The following SEMA5B variants were observed in gnomAD, a reference collection of about 807,000 sequenced individuals.
The protein encoded by SEMA5B is semaphorin-5B.
Under a neutral mutation model 135.0 loss-of-function variants are expected in SEMA5B, and 66 were observed. The ratio of observed to expected loss-of-function variants is 0.49; its 90% CI spans 0.40 to 0.60. The LOEUF is 0.60. SEMA5B is among the 20% of genes least tolerant of loss of function. The pLI, the probability that SEMA5B is intolerant of heterozygous loss-of-function variation, is 0.00. For synonymous variants in SEMA5B, 690 were observed against 639.5 expected, an observed-to-expected ratio of 1.08 and a Z score of -1.19; for missense variants, 1,501 against 1,566.3, an observed-to-expected ratio of 0.96 and a Z score of 0.70.
intron 1 of SEMA5B, among the ~76,000 whole-genome samples, chr3:123,001,750 T>C (rs1466244423): frequency 6.6e-6 from 1 of 152,078 alleles, no homozygotes; most frequent in East Asian, 1.9e-4. Context: ...GCAAGGTACT[T>C]AGTGGCAGGA....
chr3:122,976,148 C>T, intron 1 of SEMA5B: 1 of 1,534,926 alleles, frequency 6.5e-7, no homozygotes, highest in Non-Finnish European at 8.7e-7. Flanking sequence ...CTCATCACTT[C>T]CTCACCCTGT....
chr3:122,924,368 C>T (rs1938518248), intron 9 of SEMA5B, among the ~76,000 whole-genome samples: 1 of 152,118 alleles, frequency 6.6e-6, no homozygotes, highest in Admixed American at 6.5e-5. Flanking sequence ...AGTTCTTCTC[C>T]CAAATGTGTC....
At chr3:122,953,740 G>A (rs553680481) in intron 2 of SEMA5B, among the ~76,000 whole-genome samples, 71 of 152,348 alleles carry the variant, frequency 4.7e-4, no homozygotes, top group African/African-American at 1.7e-3. Context: ...CATATCACTG[G>A]AAATGTTATG....
chr3:122,919,932 G>A (rs1453822083), intron 12 of SEMA5B, among the ~76,000 whole-genome samples: 1 of 152,174 alleles, frequency 6.6e-6, no homozygotes, highest in Non-Finnish European at 1.5e-5. Flanking sequence ...CCTCTCTGCA[G>A]AATGTGAGCG....
At chr3:123,001,798 G>A (rs1942181914) in intron 1 of SEMA5B, among the ~76,000 whole-genome samples, 1 of 152,120 alleles carries the variant, frequency 6.6e-6, no homozygotes, top group Non-Finnish European at 1.5e-5. Context: ...AAAAAGAAGA[G>A]GTGATGACAT....
intron 2 of SEMA5B, among the ~76,000 whole-genome samples, chr3:122,952,391 C>T (rs1248761969): frequency 6.6e-6 from 1 of 152,222 alleles, no homozygotes; most frequent in African/African-American, 2.4e-5. Flanking sequence ...GGCCAAATCT[C>T]TGGAGCCAGA....
At chr3:122,940,828 C>G (rs1391906407) in intron 4 of SEMA5B, among the ~76,000 whole-genome samples, 1 of 152,206 alleles carries the variant, frequency 6.6e-6, no homozygotes, top group Non-Finnish European at 1.5e-5. Flanking sequence ...CTTAGCAGAG[C>G]TCTCCCTATC....
At chr3:122,966,779 C>T (rs963303486) in intron 1 of SEMA5B, among the ~76,000 whole-genome samples, 2 of 150,258 alleles carry the variant, frequency 1.3e-5, no homozygotes, top group African/African-American at 4.9e-5. Context: ...AGGATGGTTT[C>T]GATCTCCTGA....
At chr3:122,936,264 A>T (rs1437212357) in intron 5 of SEMA5B, among the ~76,000 whole-genome samples, 2 of 152,190 alleles carry the variant, frequency 1.3e-5, no homozygotes, top group East Asian at 3.8e-4. Context: ...AGGGACGTGG[A>T]TCATCTCCAT....
At chr3:122,938,454 C>T (rs1031163865) in intron 5 of SEMA5B, among the ~76,000 whole-genome samples, 1 of 152,190 alleles carries the variant, frequency 6.6e-6, no homozygotes, top group African/African-American at 2.4e-5. Context: ...CTGCAATGTC[C>T]CTGGGTGTGT....
intron 1 of SEMA5B, among the ~76,000 whole-genome samples, chr3:122,965,159 G>C (rs992277932): frequency 1.2e-4 from 19 of 152,206 alleles, no homozygotes; most frequent in African/African-American, 4.6e-4. Context: ...GAAGTTTCTT[G>C]GGCAGGAGCT....
At chr3:123,025,867 C>T (rs1174573208) in intron 1 of SEMA5B, among the ~76,000 whole-genome samples, 1 of 152,212 alleles carries the variant, frequency 6.6e-6, no homozygotes, top group Admixed American at 6.5e-5. Context: ...AAGGTACTGG[C>T]TGTTTCTTTC....
intron 1 of SEMA5B, among the ~76,000 whole-genome samples, chr3:122,983,309 T>C (rs574653779): frequency 6.6e-6 from 1 of 152,194 alleles, no homozygotes; most frequent in Admixed American, 6.5e-5. Context: ...CTCATGTCAC[T>C]TATTTCTAGT....
At chr3:122,918,946 A>G in intron 12 of SEMA5B, among the ~76,000 whole-genome samples, 1 of 149,484 alleles carries the variant, frequency 6.7e-6, no homozygotes, top group East Asian at 2.0e-4. Flanking sequence ...GGCAGTTTAG[A>G]GTCCTTTTCA....
chr3:122,928,430 G>C, intron 7 of SEMA5B, 87 bp downstream of exon 7: 1 of 1,016,206 alleles, frequency 9.8e-7, no homozygotes, highest in Non-Finnish European at 1.4e-6. Context: ...TGCAAAATTT[G>C]GTAACCCCCC....
At chr3:122,962,539 G>A (rs1222440110) in intron 1 of SEMA5B, among the ~76,000 whole-genome samples, 1 of 152,190 alleles carries the variant, frequency 6.6e-6, no homozygotes, top group Non-Finnish European at 1.5e-5. Context: ...CAGGTGAACT[G>A]CACTACAACA....
chr3:122,915,554 T>C lies in SEMA5B; in HGVS notation c.1874A>G (p.Asp625Gly). 6.2e-7 allele frequency: 1 copy of C among 1,614,120 alleles called. No homozygotes were observed. Among genetic ancestry groups the C allele is most frequent in the Non-Finnish European group, 8.5e-7 (1 of 1,180,004 alleles). Residue 625 changes from aspartate to glycine, a missense_variant, in exon 14 of 23, where the codon GAT becomes GGT. By Grantham distance (94) the Asp-to-Gly change is moderately conservative (BLOSUM62 -1). This residue lies in a region of SEMA5B where 927 missense variants were observed against 881.6 expected (regional missense o/e 1.05). Transcript: ENST00000357599. ...WSPWQPCEHL[D>G]GDNSGSCLCR... The stretch of plus-strand genomic sequence containing the variant: ...CAGGCAAGAGCCTGAGTTGTCCCCA[T>C]CCAAGTGCTCACATGGTTGCCATGG...
At position 122,910,853 on chromosome 3, in the gene SEMA5B, G is replaced by T. The variant is rs997627188; in HGVS notation, c.3284C>A (p.Pro1095His). ...GAAGGCTCCCACCTTGAATTCCATGGGTGTGTACTTTTCATTCTTCGGGGT... is the reference window on the plus strand; with the variant it reads ...GAAGGCTCCCACCTTGAATTCCATGTGTGTGTACTTTTCATTCTTCGGGGT... ...GGTPKNEKYT[P>H]MEFKTLNKNN... Residue 1095 changes from proline to histidine, a missense_variant, in exon 22 of 23, where the codon CCC (proline) becomes CAC (histidine). By Grantham distance (77) the Pro-to-His change is moderately conservative. Around this residue, in one of 2 missense-constraint regions of SEMA5B, gnomAD observed 927 missense variants for 881.6 expected, o/e 1.05. Coordinates refer to ENST00000357599, the MANE Select transcript of SEMA5B (RefSeq NM_001031702.4). 1 of 1,611,784 alleles carries T rather than the reference G, an allele frequency of 6.2e-7. No individual in the cohort carries two copies. Among genetic ancestry groups the T allele is most frequent in the African/African-American group, 1.3e-5 (1 of 74,922 alleles).
Position 122,922,055 on chromosome 3 carries a change from C to A in SEMA5B, c.1548G>T (p.Glu516Asp). The A allele has an allele frequency of 2.0e-6, 3 of 1,496,864 alleles. No homozygotes were observed. Among genetic ancestry groups the A allele is most frequent in the Non-Finnish European group, 2.7e-6 (3 of 1,123,186 alleles). 92.7% of individuals were successfully genotyped at this position (1,496,864 alleles called of 1,614,324 possible). ...SRSLHGCYLE[E>D]LHVLPPGRRE... Reference sequence around the variant, plus strand: ...GGCGCCCGGGGGGCAGCACGTGCAGCTCCTCCAGGTAGCAGCCGTGGAGGC... The same window carrying A: ...GGCGCCCGGGGGGCAGCACGTGCAGATCCTCCAGGTAGCAGCCGTGGAGGC... The change falls in exon 12 of 23, where the codon GAG becomes GAT. Residue 516 changes from glutamate (E) to aspartate (D), a missense_variant. Physicochemically the swap from Glu to Asp is conservative, Grantham distance 45. Coordinates refer to ENST00000357599, the MANE Select transcript of SEMA5B (RefSeq NM_001031702.4).
Sources: allele counts gnomAD v4.1 joint callset (sites outside exome capture counted in the v4.1 genomes callset), GRCh38; gene constraint gnomAD v4.1.1; regional missense constraint gnomAD v4.1.1; transcripts MANE v1.5; gene names NCBI Gene and HGNC (gene_info 2026-07-23, HGNC 2026-07-21).